Variants in NTSR2 observed in about 807,000 individuals in gnomAD.
The protein encoded by NTSR2 is neurotensin receptor type 2.
Under a neutral mutation model 24.1 loss-of-function variants are expected in NTSR2, and 22 were observed. The observed-to-expected ratio is 0.91, with a 90% confidence interval of 0.65 to 1.30. NTSR2 has a LOEUF of 1.30. Among genes scored for constraint, NTSR2 ranks in the 50% most tolerant of loss-of-function variants. The pLI is 0.00. For missense variants in NTSR2, 570 were observed against 570.4 expected, an observed-to-expected ratio of 1.00 and a Z score of 0.01; for synonymous variants, 291 against 267.0, an observed-to-expected ratio of 1.09 and a Z score of -0.88.
At chr2:11,666,631 C>T (rs1377724031) in intron 1 of NTSR2, among the ~76,000 whole-genome samples, 6 of 152,036 alleles carry the variant, frequency 3.9e-5, no homozygotes, top group African/African-American at 1.2e-4. Context: ...CCCAGAAGGC[C>T]GAGGTTGCAG....
chr2:11,661,987 T>C lies in NTSR2; in HGVS notation c.878A>G (p.Gln293Arg), dbSNP rs751656657. 3.7e-6 allele frequency: 6 copies of C among 1,607,136 alleles called. No homozygotes were observed. In the South Asian group the frequency reaches 6.7e-5, roughly 18 times the overall value. The change falls in exon 2 of 4, where the codon CAG becomes CGG. Residue 293 changes from glutamine to arginine, a missense_variant. By Grantham distance (43) the Gln-to-Arg change is conservative. Transcript: ENST00000306928. Reference protein sequence around the residue: ...HKDVRRIRSLQRSVQVLRAIV... With the variant: ...HKDVRRIRSLRRSVQVLRAIV... ...TTAACTGAGAACCTGGACGCTGCGC[T>C]GGAGGCTGCGGATCCGGCGCACGTC...
intron 1 of NTSR2, 47 bp downstream of exon 1, chr2:11,669,459 C>CGGGCGGGGGGGGG: frequency 1.2e-5 from 4 of 337,896 alleles, no homozygotes; most frequent in Middle Eastern, 7.6e-4. Context: ...CTCCCAGCAC[C>CGGGCGGGGGGGGG]GCCCCCCCAC....
At chr2:11,661,795 T>C (rs974343127) in intron 2 of NTSR2, among the ~76,000 whole-genome samples, 172 bp downstream of exon 2, 1 of 152,156 alleles carries the variant, frequency 6.6e-6, no homozygotes, top group Non-Finnish European at 1.5e-5. Flanking sequence ...CCTTTAATTA[T>C]AGCACCGAAC....
At chr2:11,662,750 C>CA (rs1260797227) in intron 1 of NTSR2, among the ~76,000 whole-genome samples, 1 of 152,094 alleles carries the variant, frequency 6.6e-6, no homozygotes, top group Non-Finnish European at 1.5e-5. Context: ...CACTGCACTC[C>CA]AGCCTGGGCA....
chr2:11,668,828 T>C (rs1379492735), intron 1 of NTSR2, among the ~76,000 whole-genome samples: 1 of 152,166 alleles, frequency 6.6e-6, no homozygotes, highest in African/African-American at 2.4e-5. Flanking sequence ...CTGAGAGAAT[T>C]CAGAAGACGG....
At chr2:11,669,460 GCCCCC>G in intron 1 of NTSR2, 41 bp downstream of exon 1, 1 of 254,724 alleles carries the variant, frequency 3.9e-6, no homozygotes, top group South Asian at 1.6e-4. Flanking sequence ...TCCCAGCACC[GCCCCC>G]CCACCCCCCC....
rs1457753174 is a variant in NTSR2, at chr2:11,669,786, T to G, written c.344A>C (p.His115Pro). 5 of 1,553,698 alleles carry G rather than the reference T, an allele frequency of 3.2e-6. No homozygotes were observed. The South Asian group carries it at 5.9e-5, about 18-fold the overall frequency. Residue 115 changes from histidine (H) to proline (P), a missense_variant, in exon 1 of 4, where the codon CAC becomes CCC. Physicochemically the swap from His to Pro is moderately conservative, Grantham distance 77 (BLOSUM62 -2). Transcript: ENST00000306928. ...CACCGTGGCGTAGGCGCACAGCTCGTGCACGAAGTAGTAGCCGCGGCAGCC... is the reference window on the plus strand; with the variant it reads ...CACCGTGGCGTAGGCGCACAGCTCGGGCACGAAGTAGTAGCCGCGGCAGCC... The part of the protein sequence containing the change: ...DLGCRGYYFV[H>P]ELCAYATVLS...
Position 11,658,726 on chromosome 2 carries a change from C to G in NTSR2, c.990-4G>C, listed in dbSNP as rs1359158807. The G allele has an allele frequency of 3.1e-6, 5 of 1,612,854 alleles. No homozygotes were observed. The highest frequency in any genetic ancestry group is 1.3e-5 in the African/African-American group (1 of 74,884). On this transcript the variant is annotated splice_region_variant and splice_polypyrimidine_tract_variant and intron_variant, in intron 3 of 3. Transcript: ENST00000306928. ...GTGGTAGAAATTGTACAGTGGGCTG[C>G]AAGAGAAACCCGGGAGCCTGGTTAG...
At chr2:11,666,273 G>C (rs1031842829) in intron 1 of NTSR2, among the ~76,000 whole-genome samples, 1 of 152,110 alleles carries the variant, frequency 6.6e-6, no homozygotes, top group African/African-American at 2.4e-5. Context: ...CTACTGTGGG[G>C]TTCCTCATCC....
At chr2:11,669,460 G>GGGGGGGGGGGGGCCCCCCC in intron 1 of NTSR2, 46 bp downstream of exon 1, 11 of 254,718 alleles carry the variant, frequency 4.3e-5, no homozygotes, top group East Asian at 1.1e-4. Context: ...TCCCAGCACC[G>GGGGGGGGGGGGGCCCCCCC]CCCCCCCACC....
intron 2 of NTSR2, among the ~76,000 whole-genome samples, 199 bp from the exon 3 acceptor site, chr2:11,660,332 C>G (rs550957913): frequency 6.0e-4 from 92 of 152,256 alleles, no homozygotes; most frequent in Non-Finnish European, 1.1e-3. Context: ...CTCATGTGAT[C>G]CTGTCCTCTG....
chr2:11,670,100 C>T lies in NTSR2; in HGVS notation c.30G>A (p.Arg10=). 7.2e-7 allele frequency: 1 copy of T among 1,393,378 alleles called. No individual in the cohort carries two copies. The highest frequency in any genetic ancestry group is 9.3e-7 in the Non-Finnish European group (1 of 1,080,210). The allele number at this position is 1,393,378 out of a possible 1,614,324, so 86.3% of individuals were successfully genotyped here. The change falls in exon 1 of 4, where the codon CGG becomes CGA. Residue 10 remains arginine (R), a synonymous_variant. Transcript: ENST00000306928. METSSPRPP[R]PSSNPGLSLD... ...GGCTCAGCCCCGGGTTGGAGCTGGG[C>T]CGCGGGGGCCGCGGGCTGCTGGTTT... is the stretch of plus-strand genomic sequence containing the variant.
At chr2:11,663,940 T>C (rs553033972) in intron 1 of NTSR2, among the ~76,000 whole-genome samples, 28 of 152,172 alleles carry the variant, frequency 1.8e-4, no homozygotes, top group Non-Finnish European at 3.1e-4. Context: ...GACTGCTGTT[T>C]TCCATCACAC....
At chr2:11,658,744 C>G (rs1342287025) in intron 3 of NTSR2, 22 bp from the exon 4 acceptor site, 4 of 1,611,136 alleles carry the variant, frequency 2.5e-6, no homozygotes, top group Non-Finnish European at 3.4e-6. Flanking sequence ...ACCCGGGAGC[C>G]TGGTTAGAGG....
chr2:11,662,767 C>G (rs1012188961), intron 1 of NTSR2, among the ~76,000 whole-genome samples: 2 of 151,454 alleles, frequency 1.3e-5, no homozygotes, highest in South Asian at 4.2e-4. Context: ...GGCAACAGAG[C>G]GAGACTCCGT....
chr2:11,666,985 C>A (rs1181481346), intron 1 of NTSR2, among the ~76,000 whole-genome samples: 1 of 152,194 alleles, frequency 6.6e-6, no homozygotes, highest in Admixed American at 6.5e-5. Flanking sequence ...TGTTGAGGAC[C>A]TGCAATATTC....
At chr2:11,669,460 G>GGGGGGGGGGGCCCCCCCCCCC in intron 1 of NTSR2, 46 bp downstream of exon 1, 3 of 254,724 alleles carry the variant, frequency 1.2e-5, no homozygotes, top group Non-Finnish European at 1.4e-5. Context: ...TCCCAGCACC[G>GGGGGGGGGGGCCCCCCCCCCC]CCCCCCCACC....
chr2:11,658,597 G>A lies in NTSR2; in HGVS notation c.1115C>T (p.Ala372Val), dbSNP rs1660986896. 2 of 1,614,100 alleles carry A rather than the reference G, an allele frequency of 1.2e-6. No homozygotes were observed. Among genetic ancestry groups the A allele is most frequent in the African/African-American group, 1.3e-5 (1 of 74,938 alleles). ...GTGCTCTCCACACAGGGAGCTGACG[G>A]CTTCCAGGAAGAGTTTTCTGAAGGA... ...SSSFRKLFLE[A>V]VSSLCGEHHP... Residue 372 changes from alanine (A) to valine (V), a missense_variant, in exon 4 of 4, where the codon GCC (alanine) becomes GTC (valine). Physicochemically the swap from Ala to Val is moderately conservative, Grantham distance 64. Coordinates refer to ENST00000306928, the MANE Select transcript of NTSR2 (RefSeq NM_012344.4).
intron 2 of NTSR2, 97 bp from the exon 3 acceptor site, chr2:11,660,230 C>A (rs1661043437): frequency 2.2e-6 from 2 of 896,774 alleles, no homozygotes; most frequent in Non-Finnish European, 3.6e-6. Context: ...GAGGGGATAG[C>A]AGCATTTCCC....
Sources: allele counts gnomAD v4.1 joint callset (sites outside exome capture counted in the v4.1 genomes callset), GRCh38; gene constraint gnomAD v4.1.1; transcripts MANE v1.5; gene names NCBI Gene and HGNC (gene_info 2026-07-23, HGNC 2026-07-21).